Variants in FBP2 observed in about 807,000 individuals in gnomAD.
The protein encoded by FBP2 is fructose-1,6-bisphosphatase isozyme 2.
FBP2 carries 27 observed loss-of-function variants against 31.6 expected under a neutral mutation model. That is an observed-to-expected ratio of 0.85 (90% CI 0.63 to 1.18). FBP2 has a LOEUF of 1.18. Among genes scored for constraint, FBP2 ranks in the 50% most tolerant of loss-of-function variants. The probability of loss-of-function intolerance (pLI) is 0.00; values close to 1 mark genes in which losing one functional copy is unlikely to be tolerated. For missense variants in FBP2, 421 were observed against 436.1 expected, an observed-to-expected ratio of 0.97 and a Z score of 0.31; for synonymous variants, 168 against 179.8, an observed-to-expected ratio of 0.93 and a Z score of 0.53.
chr9:94,570,342 C>G (rs1346439795), intron 4 of FBP2: 2 of 152,196 alleles, frequency 1.3e-5, no homozygotes, highest in African/African-American at 2.4e-5. Context: ...GAGCATGACT[C>G]CTGACACCAG....
intron 6 of FBP2, among the ~76,000 whole-genome samples, chr9:94,561,625 AAAGTACT>A (rs1827105482): frequency 6.6e-6 from 1 of 152,046 alleles, no homozygotes; most frequent in South Asian, 2.1e-4. Context: ...TTGGCCTCCC[AAAGTACT>A]AGGATTACAG....
intron 6 of FBP2, among the ~76,000 whole-genome samples, chr9:94,561,425 C>A (rs952661618): frequency 7.8e-6 from 1 of 128,970 alleles, no homozygotes; most frequent in Non-Finnish European, 1.6e-5. Flanking sequence ...TGCAGTGGCG[C>A]GATCTCGGCT....
intron 6 of FBP2, among the ~76,000 whole-genome samples, chr9:94,560,667 T>C (rs1827084116): frequency 6.7e-6 from 1 of 149,680 alleles, no homozygotes; most frequent in African/African-American, 2.4e-5. Context: ...GAGTCATATA[T>C]TATGGTAATT....
chr9:94,590,339 A>G (rs1003054514), intron 1 of FBP2, among the ~76,000 whole-genome samples: 1 of 152,306 alleles, frequency 6.6e-6, no homozygotes. Context: ...TGTTCCCACC[A>G]TAAGAAGAGG....
At chr9:94,559,756 C>A (rs376793811) in intron 6 of FBP2, among the ~76,000 whole-genome samples, 2 of 152,174 alleles carry the variant, frequency 1.3e-5, no homozygotes, top group South Asian at 2.1e-4. Context: ...ACTCATCACA[C>A]TGAGGCCTCT....
intron 5 of FBP2, among the ~76,000 whole-genome samples, chr9:94,566,324 G>A (rs2131445454): frequency 6.6e-6 from 1 of 152,192 alleles, no homozygotes; most frequent in East Asian, 1.9e-4. Context: ...CCGGAATGAG[G>A]GCAAGGAACA....
At position 94,593,720 on chromosome 9, in the gene FBP2, C is replaced by T. The variant is rs748666964; in HGVS notation, c.7G>A (p.Asp3Asn). 1.2e-5 allele frequency: 20 copies of T among 1,614,056 alleles called. 1 individual carries two copies. In the South Asian group the frequency reaches 2.0e-4, roughly 16 times the overall value. Residue 3 changes from aspartate to asparagine, a missense_variant, in exon 1 of 7, where the codon GAC becomes AAC. Physicochemically the swap from Asp to Asn is conservative, Grantham distance 23. Coordinates refer to ENST00000375337, the MANE Select transcript of FBP2 (RefSeq NM_003837.4). ...ATGTCGGTTTCGAAGGGGCTTCTGT[C>T]CGTCATTTTGGCTGGAATGCTTCAA... MT[D>N]RSPFETDMLT...
chr9:94,589,537 G>A (rs1564187977), intron 1 of FBP2, among the ~76,000 whole-genome samples: 1 of 152,204 alleles, frequency 6.6e-6, no homozygotes, highest in Admixed American at 6.5e-5. Context: ...CATGCTCCAT[G>A]TCTGCTCACT....
chr9:94,560,226 GTC>G (rs1203531927), intron 6 of FBP2, among the ~76,000 whole-genome samples: 1 of 152,196 alleles, frequency 6.6e-6, no homozygotes, highest in East Asian at 1.9e-4. Flanking sequence ...CTGCTTGCCA[GTC>G]TCTGCACAAG....
rs1587848424 is a variant in FBP2 at position 94,593,736 on chromosome 9, A to G, written c.-10T>C. 6.2e-7 allele frequency: 1 copy of G among 1,613,678 alleles called. No individual in the cohort carries two copies. Among genetic ancestry groups the G allele is most frequent in the Non-Finnish European group, 8.5e-7 (1 of 1,179,798 alleles). On this transcript the variant is annotated 5_prime_UTR_variant, in exon 1 of 7. Transcript: ENST00000375337. ...GGCTTCTGTCCGTCATTTTGGCTGG[A>G]ATGCTTCAAATCCTTTTCTCCCGGC...
chr9:94,590,086 C>T (rs1305386583), intron 1 of FBP2, among the ~76,000 whole-genome samples: 1 of 152,034 alleles, frequency 6.6e-6, no homozygotes, highest in Non-Finnish European at 1.5e-5. Context: ...ACCCCCTGCA[C>T]CCTCTCTCCA....
chr9:94,585,281 A>G (rs1380289597), intron 2 of FBP2, among the ~76,000 whole-genome samples: 1 of 152,160 alleles, frequency 6.6e-6, no homozygotes, highest in Non-Finnish European at 1.5e-5. Flanking sequence ...AAAAAATCCA[A>G]TTTAGCCCAT....
chr9:94,571,562 C>G lies in FBP2; in HGVS notation c.467G>C (p.Cys156Ser), dbSNP rs1271032106. The change falls in exon 4 of 7, where the codon TGT (cysteine) becomes TCT (serine). Residue 156 changes from cysteine to serine, a missense_variant. Coordinates refer to ENST00000375337, the MANE Select transcript of FBP2 (RefSeq NM_003837.4). ...DEPSEKDALQ[C>S]GRNIVAAGYA... is the part of the protein sequence containing the mutation. ...ACCTGCGGCCACAATATTGCGGCCA[C>G]ACTGCAGGGCATCCTTTTCAGAAGG... The G allele has an allele frequency of 3.1e-6, 5 of 1,613,782 alleles. No individual in the cohort carries two copies. Among genetic ancestry groups the G allele is most frequent in the South Asian group, 1.1e-5 (1 of 91,022 alleles).
intron 2 of FBP2, 100 bp downstream of exon 2, chr9:94,587,207 A>C: frequency 9.7e-7 from 1 of 1,027,744 alleles, no homozygotes; most frequent in Non-Finnish European, 1.4e-6. Context: ...ATGTTAAGAA[A>C]TAGAGGAGAA....
intron 1 of FBP2, among the ~76,000 whole-genome samples, chr9:94,588,234 G>C (rs1489548850): frequency 6.6e-6 from 1 of 152,164 alleles, no homozygotes; most frequent in Admixed American, 6.5e-5. Flanking sequence ...TGGTAGCTTG[G>C]TGTTACTTGA....
At chr9:94,562,904 A>G (rs1000691407) in intron 6 of FBP2, among the ~76,000 whole-genome samples, 2 of 152,234 alleles carry the variant, frequency 1.3e-5, no homozygotes, top group African/African-American at 4.8e-5. Context: ...TCAGGGCATC[A>G]GTGAACTCCC....
At chr9:94,569,612 T>G (rs114760557) in intron 4 of FBP2, 1 of 152,368 alleles carries the variant, frequency 6.6e-6, no homozygotes, top group African/African-American at 2.4e-5. Flanking sequence ...TGTTCCTTTG[T>G]TCTGATTGTG....
Position 94,558,838 on chromosome 9 carries a change from C to T in FBP2, c.*100G>A. 2.6e-6 allele frequency: 3 copies of T among 1,135,628 alleles called. No homozygotes were observed. Among genetic ancestry groups the T allele is most frequent in the Non-Finnish European group, 3.9e-6 (3 of 768,190 alleles). 70.3% of individuals were successfully genotyped at this position (1,135,628 alleles called of 1,614,324 possible). ...TTCTGTATGTGATTAAGTGGATTTA[C>T]CTTTTGTATACTCATAGCTACCATC... is the stretch of plus-strand genomic sequence containing the variant. On this transcript the variant is annotated 3_prime_UTR_variant, in exon 7 of 7. Coordinates refer to ENST00000375337, the MANE Select transcript of FBP2 (RefSeq NM_003837.4).
chr9:94,580,109 C>T (rs1265336899), intron 3 of FBP2, among the ~76,000 whole-genome samples: 1 of 152,230 alleles, frequency 6.6e-6, no homozygotes, highest in Non-Finnish European at 1.5e-5. Context: ...ACTTAAGAAA[C>T]AACATTTTAC....
Sources: gnomAD v4.1 joint callset for allele counts (sites outside exome capture counted in the v4.1 genomes callset) on GRCh38, gnomAD v4.1.1 for gene constraint, MANE v1.5 for transcripts, NCBI Gene and HGNC (gene_info 2026-07-23, HGNC 2026-07-21) for gene names.